SSH2: variants seen among roughly 807,000 people sequenced by gnomAD.
SSH2 encodes protein phosphatase Slingshot homolog 2.
SSH2 carries 37 observed loss-of-function variants against 135.2 expected under a neutral mutation model. The ratio of observed to expected loss-of-function variants is 0.27; its 90% CI spans 0.21 to 0.36. The LOEUF (loss-of-function observed/expected upper bound fraction) is 0.36. SSH2 is among the 10% of genes least tolerant of loss of function. The pLI, the probability that SSH2 is intolerant of heterozygous loss-of-function variation, is 1.00. For missense variants in SSH2, 1,408 were observed against 1,765.3 expected (o/e 0.80, Z 3.63); for synonymous variants, 628 against 646.2 (o/e 0.97, Z 0.43).
chr17:29,648,963 A>C (rs2036486957), intron 13 of SSH2, among the ~76,000 whole-genome samples: 1 of 152,140 alleles, frequency 6.6e-6, no homozygotes, highest in East Asian at 1.9e-4. Context: ...AGATGGTGAA[A>C]CCCTGTCTCT....
At chr17:29,737,568 G>T (rs901915404) in intron 3 of SSH2, among the ~76,000 whole-genome samples, 2 of 152,174 alleles carry the variant, frequency 1.3e-5, no homozygotes, top group African/African-American at 4.8e-5. Flanking sequence ...AAAAGCATGG[G>T]ATATAAAGTT....
In SSH2 at chr17:29,661,079, A is replaced by G. The variant is rs1403901900; in HGVS notation, c.1033-5472T>C. The stretch of plus-strand genomic sequence containing the variant: ...TCCATCTCAAAAAAAAAAAAAAAAA[A>G]AAAGAAAAGCAAATACTCATTTTCT... On this transcript the variant is annotated intron_variant, in intron 11 of 15. Coordinates refer to ENST00000540801, the MANE Select transcript of SSH2 (RefSeq NM_001282129.2). 5.9e-5 allele frequency among the ~76,000 whole-genome samples: 9 copies of G among 151,396 alleles called. No individual in the cohort carries two copies. In the East Asian group the frequency reaches 1.2e-3, roughly 20 times the overall value.
At chr17:29,746,596 T>C (rs1461536277) in intron 3 of SSH2, among the ~76,000 whole-genome samples, 2 of 146,266 alleles carry the variant, frequency 1.4e-5, no homozygotes, top group Non-Finnish European at 3.0e-5. Flanking sequence ...ATGATACAAT[T>C]ATGGGAAATT....
At chr17:29,818,718 T>G (rs569537910) in intron 2 of SSH2, among the ~76,000 whole-genome samples, 3 of 152,138 alleles carry the variant, frequency 2.0e-5, no homozygotes, top group Non-Finnish European at 2.9e-5. Context: ...TTTGAAAACA[T>G]CTATCCTTAT....
intron 14 of SSH2, among the ~76,000 whole-genome samples, chr17:29,644,480 T>G (rs2036292043): frequency 6.6e-6 from 1 of 152,182 alleles, no homozygotes; most frequent in Admixed American, 6.5e-5. Flanking sequence ...TTGATTCCAC[T>G]ACAATGCCAC....
rs566847519 is a variant in SSH2, at chr17:29,684,897, T to G, written c.358-213A>C. On this transcript the variant is annotated intron_variant, in intron 5 of 15. Coordinates refer to ENST00000540801, the MANE Select transcript of SSH2 (RefSeq NM_001282129.2). ...GGAGGGAGATATAATAATACCTAAC[T>G]GTCAGGTTGTTTTAAGAATCTTATA... is the stretch of plus-strand genomic sequence containing the variant. 3.2e-4 allele frequency among the ~76,000 whole-genome samples: 49 copies of G among 152,206 alleles called. 1 individual carries two copies. The Middle Eastern group carries it at 0.014, about 42-fold the overall frequency.
intron 3 of SSH2, among the ~76,000 whole-genome samples, chr17:29,744,942 A>C (rs1360996786): frequency 6.6e-6 from 1 of 150,426 alleles, no homozygotes; most frequent in East Asian, 2.0e-4. Context: ...AGATAGTTTA[A>C]TGATTTCTGT....
At position 29,900,048 on chromosome 17, in the gene SSH2, A is replaced by G. The variant is rs111502297; in HGVS notation, c.63+29890T>C. Among the ~76,000 whole-genome samples, 40 of 152,346 alleles carry G rather than the reference A, an allele frequency of 2.6e-4. 1 individual carries two copies. In the East Asian group the frequency reaches 7.7e-3, roughly 29 times the overall value. Reference sequence around the variant, plus strand: ...CAATGGGGAAAGGATTCCCTATTTAATAAATGGTGCTGGGAAAACTGGCTA... The same window carrying G: ...CAATGGGGAAAGGATTCCCTATTTAGTAAATGGTGCTGGGAAAACTGGCTA... On this transcript the variant is annotated intron_variant, in intron 1 of 15. Coordinates refer to ENST00000540801, the MANE Select transcript of SSH2 (RefSeq NM_001282129.2).
chr17:29,760,298 G>A lies in SSH2; in HGVS notation c.188+33596C>T, dbSNP rs1009682041. Among the ~76,000 whole-genome samples, 11 of 152,302 alleles carry A rather than the reference G, an allele frequency of 7.2e-5. No homozygotes were observed. The South Asian group carries it at 1.5e-3, about 20-fold the overall frequency. ...AAAGAGTCTAGGAAAATCCCAGCAG[G>A]TGACTCCTCTGAAGCCACTTGGAAT... On this transcript the variant is annotated intron_variant, in intron 3 of 15. Coordinates refer to ENST00000540801, the MANE Select transcript of SSH2 (RefSeq NM_001282129.2).
chr17:29,764,012 C>T (rs1027270246), intron 3 of SSH2, among the ~76,000 whole-genome samples: 2 of 151,056 alleles, frequency 1.3e-5, no homozygotes, highest in Admixed American at 1.3e-4. Flanking sequence ...TGCAATGGCG[C>T]GATCTCAGCT....
chr17:29,722,843 G>A (rs956789692), intron 3 of SSH2, among the ~76,000 whole-genome samples: 1 of 152,222 alleles, frequency 6.6e-6, no homozygotes, highest in Non-Finnish European at 1.5e-5. Flanking sequence ...AAAAAGTAGA[G>A]CTGCTGTCAA....
At chr17:29,635,474 G>C (rs150239080) in intron 15 of SSH2, among the ~76,000 whole-genome samples, 2 of 151,592 alleles carry the variant, frequency 1.3e-5, no homozygotes, top group Non-Finnish European at 2.9e-5. Flanking sequence ...GCACAATCTC[G>C]GCTCACTGCA....
chr17:29,738,621 T>G (rs555936563), intron 3 of SSH2, among the ~76,000 whole-genome samples: 1 of 151,898 alleles, frequency 6.6e-6, no homozygotes, highest in South Asian at 2.1e-4. Flanking sequence ...TGCTGCAATC[T>G]TGGCTCACTG....
rs189657200 is a variant in SSH2, at chr17:29,828,941, C to T, written c.144+19908G>A. Among the ~76,000 whole-genome samples, 494 of 152,276 alleles carry T rather than the reference C, an allele frequency of 3.2e-3. 2 individuals are homozygous for T. The highest frequency in any genetic ancestry group is 5.4e-3 in the Non-Finnish European group (366 of 68,020). ...CCCCAGTGGCGTTAAAGTAAGCAAC[C>T]CTTCTGCTTCCATTTCCATCTCCAA... On this transcript the variant is annotated intron_variant, in intron 2 of 15. Coordinates refer to ENST00000540801, the MANE Select transcript of SSH2 (RefSeq NM_001282129.2).
In SSH2 at chr17:29,626,282, G is replaced by GAAAAAAAAAA. The variant is rs111277103; in HGVS notation, c.*4549_*4558dup. The GAAAAAAAAAA allele has an allele frequency of 2.2e-5, 2 of 91,668 alleles. No homozygotes were observed. The highest frequency in any genetic ancestry group is 1.1e-4 in the Admixed American group (1 of 9,066). The allele number at this position is 91,668 out of a possible 1,614,324, so 5.7% of individuals were successfully genotyped here. A position where few individuals can be genotyped will look rare whatever the true frequency, so the allele number is the denominator to read the frequency against. ...CAAGTCCTACAAAACAAAGCAGAAA[G>GAAAAAAAAAA]AAAAAAAAAAAAAAAGAAAAGTAAA... On this transcript the variant is annotated 3_prime_UTR_variant, in exon 16 of 16. Coordinates refer to ENST00000540801, the MANE Select transcript of SSH2 (RefSeq NM_001282129.2).
rs557766243 is a variant in SSH2 at position 29,743,915 on chromosome 17, T to C, written c.189-40853A>G. 4.5e-3 allele frequency among the ~76,000 whole-genome samples: 591 copies of C among 130,940 alleles called. 6 individuals are homozygous for C. The highest frequency in any genetic ancestry group is 0.019 in the African/African-American group (557 of 28,630). 85.9% of individuals were successfully genotyped at this position (130,940 alleles called of 152,430 possible). On this transcript the variant is annotated intron_variant, in intron 3 of 15. Coordinates refer to ENST00000540801, the MANE Select transcript of SSH2 (RefSeq NM_001282129.2). ...TTCTTTTTTCTTTTTTCCTTTTTTT[T>C]TTTTTTTTTTTTTTTTACAAAACAA...
At chr17:29,646,840 T>C (rs1189136483) in intron 14 of SSH2, among the ~76,000 whole-genome samples, 5 of 152,096 alleles carry the variant, frequency 3.3e-5, no homozygotes, top group Non-Finnish European at 7.4e-5. Flanking sequence ...TAGGAAGTGC[T>C]TTCATACCTC....
At chr17:29,875,287 G>A (rs1229107060) in intron 1 of SSH2, among the ~76,000 whole-genome samples, 1 of 152,110 alleles carries the variant, frequency 6.6e-6, no homozygotes, top group Admixed American at 6.5e-5. Flanking sequence ...ATACACCTCA[G>A]TTTCTCTAAT....
At chr17:29,765,997 A>AT (rs1444119345) in intron 3 of SSH2, among the ~76,000 whole-genome samples, 1 of 138,296 alleles carries the variant, frequency 7.2e-6, no homozygotes, top group African/African-American at 2.8e-5. Context: ...TCCAGCCTGG[A>AT]TGACAGAGTG....
Sources: allele counts gnomAD v4.1 joint callset (sites outside exome capture counted in the v4.1 genomes callset), GRCh38; gene constraint gnomAD v4.1.1; transcripts MANE v1.5; gene names NCBI Gene and HGNC (gene_info 2026-07-23, HGNC 2026-07-21).